Variants in IL1R1 observed in about 807,000 individuals in gnomAD.
The protein encoded by IL1R1 is interleukin 1 receptor type 1, also known as interleukin-1 receptor type 1.
Under a neutral mutation model 50.2 loss-of-function variants are expected in IL1R1, and 22 were observed. The observed-to-expected ratio is 0.44, with a 90% CI of 0.31 to 0.63. The LOEUF (loss-of-function observed/expected upper bound fraction) is 0.63, where lower values mean the gene tolerates loss of function less well. Ranked by LOEUF, IL1R1 falls within the 20% of genes least tolerant of loss-of-function variation. The pLI is 0.07. For synonymous variants in IL1R1, 251 were observed against 236.7 expected (o/e 1.06, Z -0.55); for missense variants, 509 against 676.2 (o/e 0.75, Z 2.74).
chr2:102,095,958 G>T (rs13013537), intron 1 of IL1R1, among the ~76,000 whole-genome samples: 39,776 of 151,986 alleles, frequency 0.26, 5,754 homozygotes, highest in African/African-American at 0.39. Context: ...AGCCGAGATC[G>T]TGCCACTGCA....
At chr2:102,166,060 T>C (rs1685154925) in intron 5 of IL1R1, 53 bp from the exon 6 acceptor site, 1 of 1,484,634 alleles carries the variant, frequency 6.7e-7, no homozygotes. Context: ...GGCGGTAGAT[T>C]GGGGAAAGTT....
At chr2:102,150,487 A>G (rs1577968227) in intron 1 of IL1R1, among the ~76,000 whole-genome samples, 1 of 152,194 alleles carries the variant, frequency 6.6e-6, no homozygotes, top group African/African-American at 2.4e-5. Context: ...TGCCTCAAAT[A>G]TGCATTTTCA....
chr2:102,129,962 T>C (rs1404899300), intron 1 of IL1R1, among the ~76,000 whole-genome samples: 1 of 152,212 alleles, frequency 6.6e-6, no homozygotes, highest in Non-Finnish European at 1.5e-5. Context: ...GATAAACTCA[T>C]TGCCTGTTAA....
intron 1 of IL1R1, among the ~76,000 whole-genome samples, chr2:102,078,088 T>C (rs768922500): frequency 6.6e-6 from 1 of 151,642 alleles, no homozygotes; most frequent in Non-Finnish European, 1.5e-5. Context: ...AGAGAAAAAA[T>C]TAAAGAAATA....
At position 102,178,344 on chromosome 2, in the gene IL1R1, C is replaced by T. The variant is rs567455299; in HGVS notation, c.*1585C>T. The T allele has an allele frequency of 1.3e-5, 2 of 152,462 alleles. No individual in the cohort carries two copies. Among genetic ancestry groups the T allele is most frequent in the African/African-American group, 4.8e-5 (2 of 41,560 alleles). 9.4% of individuals were successfully genotyped at this position (152,462 alleles called of 1,614,324 possible). A position where few individuals can be genotyped will look rare whatever the true frequency, so the allele number is the denominator to read the frequency against. ...GGCTGTGGTGGCTGTCTCTGTCCCT[C>T]ACTGCCTTCCAGGAGCAATTTGCAC... On this transcript the variant is annotated 3_prime_UTR_variant, in exon 12 of 12. Coordinates refer to ENST00000410023, the MANE Select transcript of IL1R1 (RefSeq NM_000877.4).
chr2:102,098,653 T>A (rs184887576), intron 1 of IL1R1, among the ~76,000 whole-genome samples: 173 of 152,258 alleles, frequency 1.1e-3, no homozygotes, highest in African/African-American at 3.9e-3. Flanking sequence ...TAAAAACTAT[T>A]TGTTAAGTCA....
intron 1 of IL1R1, among the ~76,000 whole-genome samples, chr2:102,079,212 G>A (rs1679105658): frequency 6.6e-6 from 1 of 152,130 alleles, no homozygotes; most frequent in Non-Finnish European, 1.5e-5. Flanking sequence ...AGGAAGAAGA[G>A]AAGGATGTTT....
Position 102,084,809 on chromosome 2 carries a change from T to C in IL1R1, c.-84+14276T>C, listed in dbSNP as rs559424858. 1.9e-3 allele frequency among the ~76,000 whole-genome samples: 286 copies of C among 152,356 alleles called. 2 individuals carry two copies. The highest frequency in any genetic ancestry group is 6.7e-3 in the African/African-American group (277 of 41,592). ...GTATTTGTTCCTCAGCAGTAGTTAC[T>C]GCTGCCACACAGCATGGTTCTGCTA... On this transcript the variant is annotated intron_variant, in intron 1 of 11. Transcript: ENST00000409929.
At chr2:102,157,657 G>A in intron 2 of IL1R1, 62 bp from the exon 3 acceptor site, 1 of 1,067,382 alleles carries the variant, frequency 9.4e-7, no homozygotes, top group Non-Finnish European at 1.4e-6. Context: ...TTTAGTTTTA[G>A]AGATTTGCTG....
upstream of IL1R1, among the ~76,000 whole-genome samples, chr2:102,141,163 GT>G (rs1283812623): frequency 6.6e-6 from 1 of 152,228 alleles, no homozygotes; most frequent in East Asian, 1.9e-4. Context: ...TGGACACGTG[GT>G]TGAAGCAGCC....
At position 102,070,854 on chromosome 2, in the gene IL1R1, G is replaced by A. The variant is rs114917241; in HGVS notation, c.-84+321G>A. 9.8e-3 allele frequency among the ~76,000 whole-genome samples: 1,485 copies of A among 152,226 alleles called. 22 individuals carry two copies. Among genetic ancestry groups the A allele is most frequent in the African/African-American group, 0.033 (1,390 of 41,532 alleles). On this transcript the variant is annotated intron_variant, in intron 1 of 11. Coordinates refer to the IL1R1 transcript ENST00000409929. Reference sequence around the variant, plus strand: ...ACACTCATGAAGATATACCATGGCTGTCTTTATTTTCTAGGTGGGAATCTC... The same window carrying A: ...ACACTCATGAAGATATACCATGGCTATCTTTATTTTCTAGGTGGGAATCTC...
intron 3 of IL1R1, among the ~76,000 whole-genome samples, chr2:102,161,394 A>T (rs1028026524): frequency 1.3e-5 from 2 of 152,204 alleles, no homozygotes; most frequent in Non-Finnish European, 2.9e-5. Context: ...TTTAAAAAGA[A>T]TGTAATGTTC....
At chr2:102,121,694 C>G (rs1681416078) in intron 1 of IL1R1, among the ~76,000 whole-genome samples, 1 of 152,182 alleles carries the variant, frequency 6.6e-6, no homozygotes, top group Non-Finnish European at 1.5e-5. Context: ...ACCATTTTCT[C>G]TCTCTCAACA....
At chr2:102,165,999 C>A in intron 5 of IL1R1, 114 bp from the exon 6 acceptor site, 1 of 843,310 alleles carries the variant, frequency 1.2e-6, no homozygotes, top group Non-Finnish European at 1.8e-6. Context: ...CTTTTCCAGT[C>A]ACTTTCTAAA....
intron 1 of IL1R1, among the ~76,000 whole-genome samples, chr2:102,084,941 G>A (rs368888652): frequency 3.9e-5 from 6 of 152,142 alleles, no homozygotes; most frequent in East Asian, 3.8e-4. Context: ...AGAGTGTCCC[G>A]CAATTTCATT....
intron 3 of IL1R1, among the ~76,000 whole-genome samples, chr2:102,159,507 A>G (rs1202887911): frequency 6.6e-6 from 1 of 152,216 alleles, no homozygotes; most frequent in East Asian, 1.9e-4. Flanking sequence ...CCCTGCATAC[A>G]TGCCCACCCT....
At chr2:102,088,465 A>G (rs1014636052) in intron 1 of IL1R1, among the ~76,000 whole-genome samples, 2 of 152,174 alleles carry the variant, frequency 1.3e-5, no homozygotes, top group African/African-American at 4.8e-5. Flanking sequence ...GTGGGCTTAA[A>G]ATATTCAGTA....
intron 1 of IL1R1, among the ~76,000 whole-genome samples, chr2:102,125,773 C>G (rs560463810): frequency 6.6e-6 from 1 of 152,256 alleles, no homozygotes; most frequent in Admixed American, 6.5e-5. Context: ...CTGAGGAATG[C>G]GAAGAGGGTC....
chr2:102,087,455 C>T (rs1225510795), intron 1 of IL1R1, among the ~76,000 whole-genome samples: 3 of 152,254 alleles, frequency 2.0e-5, no homozygotes, highest in Non-Finnish European at 4.4e-5. Context: ...ACACTGCTTT[C>T]TCAATTCAGT....
Sources: gnomAD v4.1 joint callset for allele counts (sites outside exome capture counted in the v4.1 genomes callset) on GRCh38, gnomAD v4.1.1 for gene constraint, MANE v1.5 for transcripts, NCBI Gene and HGNC (gene_info 2026-07-23, HGNC 2026-07-21) for gene names.